Variants in EFCAB6 observed in about 807,000 individuals in gnomAD.
EFCAB6 encodes EF-hand calcium binding domain 6.
In EFCAB6, 156 loss-of-function variants were observed where a neutral mutation model predicts 169.8. That is an observed-to-expected ratio of 0.92 (90% CI 0.81 to 1.05). The LOEUF is 1.05. Among genes scored for constraint, EFCAB6 ranks in the 50% least tolerant of loss-of-function variants. The probability of loss-of-function intolerance (pLI) is 0.00; values close to 1 mark genes in which losing one functional copy is unlikely to be tolerated. For synonymous variants in EFCAB6, 698 were observed against 676.4 expected, an observed-to-expected ratio of 1.03 and a Z score of -0.50; for missense variants, 1,800 against 1,829.1, an observed-to-expected ratio of 0.98 and a Z score of 0.29.
In EFCAB6 at chr22:43,554,876, T is replaced by C; in HGVS notation, c.3641A>G (p.Asp1214Gly). Residue 1214 changes from aspartate to glycine, a missense_variant, in exon 27 of 32, where the codon GAC becomes GGC. Physicochemically the swap from Asp to Gly is moderately conservative, Grantham distance 94. Transcript: ENST00000262726. ...CTGACTGGCGTTTCTTACCTGTTCG[T>C]CCGTCAGGATTTGGACGCGGCGATT... ...ICNRRVQILT[D>G]EQFDRLWNEM... The C allele has an allele frequency of 2.5e-6, 4 of 1,614,204 alleles. No individual in the cohort carries two copies. Among genetic ancestry groups the C allele is most frequent in the Non-Finnish European group, 3.4e-6 (4 of 1,180,020 alleles).
At chr22:43,596,141 T>C (rs1282890070) in intron 23 of EFCAB6, among the ~76,000 whole-genome samples, 3 of 152,120 alleles carry the variant, frequency 2.0e-5, no homozygotes, top group East Asian at 1.9e-4. Context: ...GCTAATATGA[T>C]ACTAACCAGG....
chr22:43,652,266 G>C (rs1357480133), intron 17 of EFCAB6, among the ~76,000 whole-genome samples: 1 of 152,178 alleles, frequency 6.6e-6, no homozygotes, highest in Non-Finnish European at 1.5e-5. Context: ...CATGAGATCT[G>C]ATGGTTTTAA....
At chr22:43,670,218 T>C (rs1301947407) in intron 15 of EFCAB6, among the ~76,000 whole-genome samples, 2 of 152,198 alleles carry the variant, frequency 1.3e-5, no homozygotes, top group African/African-American at 4.8e-5. Context: ...GCAAGTACAC[T>C]TGTTTCTGCA....
chr22:43,632,575 T>C (rs369389182), intron 18 of EFCAB6, among the ~76,000 whole-genome samples: 6 of 152,162 alleles, frequency 3.9e-5, no homozygotes, highest in East Asian at 3.9e-4. Flanking sequence ...GCTGGGATTA[T>C]AGGCGTGAGC....
At chr22:43,672,650 C>T (rs978443480) in intron 13 of EFCAB6, among the ~76,000 whole-genome samples, 2 of 151,994 alleles carry the variant, frequency 1.3e-5, no homozygotes, top group Non-Finnish European at 2.9e-5. Context: ...AACTCATGGA[C>T]ACATAGAGGA....
At chr22:43,752,277 C>A (rs550510842) in intron 6 of EFCAB6, among the ~76,000 whole-genome samples, 25 of 152,188 alleles carry the variant, frequency 1.6e-4, no homozygotes, top group African/African-American at 6.0e-4. Context: ...GCCACCATGC[C>A]CAGTTAATTT....
chr22:43,638,226 C>A (rs1174775256), intron 17 of EFCAB6, among the ~76,000 whole-genome samples: 3 of 152,168 alleles, frequency 2.0e-5, no homozygotes, highest in Non-Finnish European at 4.4e-5. Context: ...GCAAATCAAC[C>A]AGATTTATCA....
chr22:43,749,719 G>T (rs1317144102), intron 6 of EFCAB6, among the ~76,000 whole-genome samples: 2 of 152,118 alleles, frequency 1.3e-5, no homozygotes, highest in Non-Finnish European at 2.9e-5. Flanking sequence ...CTGCAGCCTG[G>T]GGGATGGGGA....
intron 5 of EFCAB6, among the ~76,000 whole-genome samples, chr22:43,760,298 C>T (rs1252700471): frequency 6.6e-6 from 1 of 151,844 alleles, no homozygotes; most frequent in Non-Finnish European, 1.5e-5. Context: ...TGTCAGCACA[C>T]TGAAAAGATT....
At position 43,554,551 on chromosome 22, in the gene EFCAB6, G is replaced by A. The variant is rs2048579677; in HGVS notation, c.3648+318C>T. ...GCAACACTGGCCCCAGATAGTTGCT[G>A]CCCATGACAGACCCAGACCACATTA... On this transcript the variant is annotated intron_variant, in intron 27 of 31. Coordinates refer to ENST00000262726, the MANE Select transcript of EFCAB6 (RefSeq NM_022785.4). The A allele has an allele frequency of 8.7e-6, 3 of 344,846 alleles. No homozygotes were observed. In the East Asian group the frequency reaches 1.8e-4, roughly 21 times the overall value. The allele number at this position is 344,846 out of a possible 1,614,324, so 21.4% of individuals were successfully genotyped here.
chr22:43,804,220 G>C (rs1007882958), intron 2 of EFCAB6, among the ~76,000 whole-genome samples: 1 of 152,120 alleles, frequency 6.6e-6, no homozygotes, highest in African/African-American at 2.4e-5. Flanking sequence ...ACTCCTGAAT[G>C]ACCGATGAAT....
At chr22:43,794,892 C>T (rs2047191918) in intron 2 of EFCAB6, among the ~76,000 whole-genome samples, 1 of 152,102 alleles carries the variant, frequency 6.6e-6, no homozygotes, top group Admixed American at 6.5e-5. Context: ...GATAGGGTAT[C>T]ACAAAAAACA....
rs376512948 is a variant in EFCAB6 at position 43,740,863 on chromosome 22, T to C, written c.508-4870A>G. 5.3e-5 allele frequency among the ~76,000 whole-genome samples: 8 copies of C among 152,244 alleles called. No individual in the cohort carries two copies. In the East Asian group the frequency reaches 1.5e-3, roughly 29 times the overall value. On this transcript the variant is annotated intron_variant, in intron 6 of 31. Transcript: ENST00000262726. ...GCTGCCAAAGCCAGATTTACCTCCT[T>C]TGGTAAAATGGAGGACATGAGCACG...
chr22:43,680,887 C>G (rs2057979282), intron 12 of EFCAB6, among the ~76,000 whole-genome samples: 1 of 152,194 alleles, frequency 6.6e-6, no homozygotes, highest in African/African-American at 2.4e-5. Flanking sequence ...TTTCTACACA[C>G]AAGATTGTAT....
At position 43,792,798 on chromosome 22, in the gene EFCAB6, T is replaced by C. The variant is rs546784905; in HGVS notation, c.-7-10473A>G. Among the ~76,000 whole-genome samples, 42 of 152,322 alleles carry C rather than the reference T, an allele frequency of 2.8e-4. No homozygotes were observed. In the South Asian group the frequency reaches 8.5e-3, roughly 31 times the overall value. On this transcript the variant is annotated intron_variant, in intron 2 of 31. Coordinates refer to ENST00000262726, the MANE Select transcript of EFCAB6 (RefSeq NM_022785.4). ...GCTCTTCCCCGATATCAAGTTCACA[T>C]GGTTGTCAATGACCAAAGCTTTCCT... is the stretch of plus-strand genomic sequence containing the variant.
At chr22:43,655,514 C>G (rs553566512) in intron 17 of EFCAB6, among the ~76,000 whole-genome samples, 1 of 119,718 alleles carries the variant, frequency 8.4e-6, no homozygotes, top group South Asian at 2.9e-4. Context: ...GAGCGAGACC[C>G]TGTCTCAAAA....
In EFCAB6 at chr22:43,731,828, C is replaced by A; in HGVS notation, c.645-17G>T. On this transcript the variant is annotated splice_polypyrimidine_tract_variant and intron_variant, in intron 7 of 31. Transcript: ENST00000262726. ...TTCGAAAACCTAAAATACAAATGTT[C>A]TTTAGTAATGAGAAATTATGAATCT... 1 of 1,475,172 alleles carries A rather than the reference C, an allele frequency of 6.8e-7. No individual in the cohort carries two copies. Among genetic ancestry groups the A allele is most frequent in the South Asian group, 1.4e-5 (1 of 73,972 alleles). The allele number at this position is 1,475,172 out of a possible 1,614,324, so 91.4% of individuals were successfully genotyped here. A position where few individuals can be genotyped will look rare whatever the true frequency, so the allele number is the denominator to read the frequency against.
intron 6 of EFCAB6, among the ~76,000 whole-genome samples, chr22:43,739,724 A>G (rs1273103257): frequency 2.0e-5 from 3 of 152,110 alleles, no homozygotes; most frequent in Admixed American, 2.0e-4. Context: ...GTATATCAGG[A>G]GAGCCCATCA....
In EFCAB6 at chr22:43,795,590, CAG is replaced by C. The variant is rs2148140064; in HGVS notation, c.-7-13267_-7-13266del. Among the ~76,000 whole-genome samples, 1 of 152,026 alleles carries C rather than the reference CAG, an allele frequency of 6.6e-6. No homozygotes were observed. The highest frequency in any genetic ancestry group is 2.4e-5 in the African/African-American group (1 of 41,432). ...CTCTGACCACCCTGCATCTTCCTTG[CAG>C]AGTCTCTCACACAGCCTGCACTTCT... On this transcript the variant is annotated intron_variant, in intron 2 of 31. Coordinates refer to ENST00000262726, the MANE Select transcript of EFCAB6 (RefSeq NM_022785.4). This position sits in a 1 kb window ranked among gnomAD's most constrained non-coding sequence, Gnocchi z 4.2.
Sources: gnomAD v4.1 joint callset for allele counts (sites outside exome capture counted in the v4.1 genomes callset) on GRCh38, gnomAD v4.1.1 for gene constraint, Gnocchi (gnomAD v3.1) non-coding constraint, MANE v1.5 for transcripts, NCBI Gene and HGNC (gene_info 2026-07-23, HGNC 2026-07-21) for gene names.